ZFAT: variants seen among roughly 807,000 people sequenced by gnomAD.
ZFAT encodes zinc finger and AT-hook domain containing.
In ZFAT, 64 loss-of-function variants were observed where a neutral mutation model predicts 117.7. That is an observed-to-expected ratio of 0.54 (90% CI 0.44 to 0.67). The LOEUF is 0.67. ZFAT is among the 30% of genes least tolerant of loss of function. The pLI, the probability that ZFAT is intolerant of heterozygous loss-of-function variation, is 0.00. For missense variants in ZFAT, 1,433 were observed against 1,584.5 expected (o/e 0.90, Z 1.62); for synonymous variants, 679 against 615.0 (o/e 1.10, Z -1.54).
intron 7 of ZFAT, chr8:134,594,950 C>T (rs192621107): frequency 6.6e-6 from 1 of 152,332 alleles, no homozygotes; most frequent in African/African-American, 2.4e-5. Flanking sequence ...CTTCCTGCTG[C>T]CTCACACTTT....
At chr8:134,572,282 T>C (rs896507845) in intron 10 of ZFAT, among the ~76,000 whole-genome samples, 7 of 152,262 alleles carry the variant, frequency 4.6e-5, no homozygotes, top group African/African-American at 1.4e-4. Flanking sequence ...TGTTAGGTGA[T>C]AGAATTGTGG....
the ZFAT span, among the ~76,000 whole-genome samples, chr8:134,816,879 G>A: frequency 2.6e-5 from 4 of 151,782 alleles, no homozygotes; most frequent in Admixed American, 1.3e-4. Context: ...TACTCAGAAG[G>A]CCGAGGCAGG....
chr8:134,653,269 T>TAAAAAAAA lies in ZFAT; in HGVS notation c.196+4291_196+4292insTTTTTTTT, dbSNP rs1441852865. On this transcript the variant is annotated intron_variant, in intron 2 of 15. Coordinates refer to ENST00000377838, the MANE Select transcript of ZFAT (RefSeq NM_020863.4). ...CTTGGAACCAACCCAAATGTCTTTTTTAAAAAAAAAAAAAAAAAAAAACAA... is the reference window on the plus strand; with the variant it reads ...CTTGGAACCAACCCAAATGTCTTTTTAAAAAAAATAAAAAAAAAAAAAAAAAAAAACAA... Among the ~76,000 whole-genome samples the TAAAAAAAA allele has an allele frequency of 2.2e-4, 22 of 99,156 alleles. No individual in the cohort carries two copies. In the East Asian group the frequency reaches 2.7e-3, roughly 12 times the overall value. 65.1% of individuals were successfully genotyped at this position (99,156 alleles called of 152,430 possible).
At chr8:134,666,863 T>C (rs1832250972) in intron 1 of ZFAT, among the ~76,000 whole-genome samples, 1 of 152,304 alleles carries the variant, frequency 6.6e-6, no homozygotes, top group Non-Finnish European at 1.5e-5. Context: ...GCTGAAAACT[T>C]TCAAAATTTG....
At chr8:134,525,596 A>ACAGAG (rs1306933050) in intron 12 of ZFAT, among the ~76,000 whole-genome samples, 1 of 152,190 alleles carries the variant, frequency 6.6e-6, no homozygotes, top group African/African-American at 2.4e-5. Flanking sequence ...TGGAATCAAG[A>ACAGAG]CAGAGCAGTG....
At chr8:134,717,520 G>A (rs1814225930), upstream of ZFAT, among the ~76,000 whole-genome samples, 2 of 83,244 alleles carry the variant, frequency 2.4e-5, no homozygotes, top group African/African-American at 4.1e-5. Context: ...GTCTCACTCT[G>A]TCGCCCAGGC....
intron 8 of ZFAT, 23 bp downstream of exon 8, chr8:134,590,245 C>T: frequency 6.4e-7 from 1 of 1,572,484 alleles, no homozygotes; most frequent in Non-Finnish European, 8.7e-7. Flanking sequence ...ATTAATCTTC[C>T]ACTCCAAAAT....
Position 134,478,331 on chromosome 8 carries a change from G to C in ZFAT, c.*151C>G. On this transcript the variant is annotated 3_prime_UTR_variant, in exon 16 of 16. Coordinates refer to ENST00000377838, the MANE Select transcript of ZFAT (RefSeq NM_020863.4). This position sits in a 1 kb window ranked among gnomAD's most constrained non-coding sequence, Gnocchi z 5.2. ...ATGCTGACTGCCTTGCCCACCCCAA[G>C]TTGGACTAGGAGAGTCCTATCAGGC... is the stretch of plus-strand genomic sequence containing the variant. 8.3e-7 allele frequency: 1 copy of C among 1,210,584 alleles called. No individual in the cohort carries two copies. The highest frequency in any genetic ancestry group is 1.1e-6 in the Non-Finnish European group (1 of 891,790). The allele number at this position is 1,210,584 out of a possible 1,614,324, so 75.0% of individuals were successfully genotyped here.
the ZFAT span, among the ~76,000 whole-genome samples, chr8:134,812,658 C>T: frequency 6.6e-6 from 1 of 152,128 alleles, no homozygotes; most frequent in Non-Finnish European, 1.5e-5. Context: ...TCATTTGAAC[C>T]CCTAGAGGCA....
At chr8:134,692,953 G>C (rs1279492295) in intron 1 of ZFAT, among the ~76,000 whole-genome samples, 1 of 152,170 alleles carries the variant, frequency 6.6e-6, no homozygotes, top group East Asian at 1.9e-4. Context: ...AAAGGAGAGA[G>C]GATAGAATAC....
At chr8:134,576,710 A>C (rs1391896351) in intron 10 of ZFAT, among the ~76,000 whole-genome samples, 2 of 152,206 alleles carry the variant, frequency 1.3e-5, no homozygotes, top group East Asian at 3.8e-4. Context: ...GATCTCCTAG[A>C]ATATTTTAAT....
the ZFAT span, among the ~76,000 whole-genome samples, chr8:134,744,565 G>T: frequency 6.6e-6 from 1 of 151,860 alleles, no homozygotes; most frequent in Non-Finnish European, 1.5e-5. Flanking sequence ...CAAAGTGCTG[G>T]GATTACAGAC....
chr8:134,704,551 C>T (rs1834097414), intron 1 of ZFAT, among the ~76,000 whole-genome samples: 1 of 152,214 alleles, frequency 6.6e-6, no homozygotes, highest in South Asian at 2.1e-4. Flanking sequence ...ATGAAACTCT[C>T]CTGCCTGCAC....
chr8:134,530,827 A>T (rs1821351930), intron 12 of ZFAT, among the ~76,000 whole-genome samples: 1 of 152,202 alleles, frequency 6.6e-6, no homozygotes, highest in South Asian at 2.1e-4. Flanking sequence ...TTCACATGGC[A>T]TTTACATTGT....
intron 1 of ZFAT, among the ~76,000 whole-genome samples, chr8:134,677,370 T>C (rs927309043): frequency 2.0e-5 from 3 of 152,188 alleles, no homozygotes; most frequent in Non-Finnish European, 4.4e-5. Flanking sequence ...CCTGGACACA[T>C]ACATCTCCCA....
chr8:134,591,353 C>T (rs553692829), intron 7 of ZFAT, among the ~76,000 whole-genome samples: 1 of 152,360 alleles, frequency 6.6e-6, no homozygotes, highest in South Asian at 2.1e-4. Context: ...ATAGGTTGTT[C>T]ATCCTGCATT....
intron 3 of ZFAT, among the ~76,000 whole-genome samples, chr8:134,627,405 T>C (rs1408025275): frequency 6.6e-6 from 1 of 152,186 alleles, no homozygotes; most frequent in Non-Finnish European, 1.5e-5. Context: ...AATGGCTGCA[T>C]TAGACGGCAA....
At chr8:134,807,393 CAATTAACAGG>C in the ZFAT span, among the ~76,000 whole-genome samples, 1 of 151,888 alleles carries the variant, frequency 6.6e-6, no homozygotes, top group Non-Finnish European at 1.5e-5. Context: ...CATAAGAAAA[CAATTAACAGG>C]AAACAACATT....
chr8:134,670,980 T>C lies in ZFAT; in HGVS notation c.20-13243A>G, dbSNP rs1210713928. ...TCAGAGAATACTATAAACACCTCTA[T>C]GTAAATAAACTAGAAAATCTAGAAG... On this transcript the variant is annotated intron_variant, in intron 1 of 15. Transcript: ENST00000377838. Among the ~76,000 whole-genome samples, 9 of 152,214 alleles carry C rather than the reference T, an allele frequency of 5.9e-5. No individual in the cohort carries two copies. In the South Asian group the frequency reaches 1.5e-3, roughly 25 times the overall value.
Sources: gnomAD v4.1 joint callset for allele counts (sites outside exome capture counted in the v4.1 genomes callset) on GRCh38, gnomAD v4.1.1 for gene constraint, Gnocchi (gnomAD v3.1) non-coding constraint, MANE v1.5 for transcripts, NCBI Gene and HGNC (gene_info 2026-07-23, HGNC 2026-07-21) for gene names.